OLFML2B: variants seen among roughly 807,000 people sequenced by gnomAD.
OLFML2B encodes olfactomedin-like protein 2B.
A neutral mutation model predicts 74.9 loss-of-function variants in OLFML2B; 57 were observed. The observed-to-expected ratio is 0.76, with a 90% CI of 0.61 to 0.95. The LOEUF (loss-of-function observed/expected upper bound fraction) is 0.95. OLFML2B is among the 40% of genes least tolerant of loss of function. The pLI is 0.00. For missense variants in OLFML2B, 986 were observed against 970.6 expected, an observed-to-expected ratio of 1.02 and a Z score of -0.21; for synonymous variants, 388 against 405.8, an observed-to-expected ratio of 0.96 and a Z score of 0.53.
At chr1:161,991,690 C>A (rs1382410738) in intron 6 of OLFML2B, among the ~76,000 whole-genome samples, 1 of 152,200 alleles carries the variant, frequency 6.6e-6, no homozygotes, top group Non-Finnish European at 1.5e-5. Context: ...GAGCTGAAAT[C>A]GTGCCACTGC....
chr1:161,987,504 G>A lies in OLFML2B; in HGVS notation c.1475-2524C>T, dbSNP rs149872315. Reference sequence around the variant, plus strand: ...AAAAAGCAAAGACTGAAGTGATGTGGCCACAAGCCAAAGAATGCTGGCAGC... The same window carrying A: ...AAAAAGCAAAGACTGAAGTGATGTGACCACAAGCCAAAGAATGCTGGCAGC... On this transcript the variant is annotated intron_variant, in intron 6 of 7. Transcript: ENST00000294794. 1.1e-3 allele frequency among the ~76,000 whole-genome samples: 172 copies of A among 152,252 alleles called. 1 individual carries two copies. The highest frequency in any genetic ancestry group is 3.9e-3 in the African/African-American group (164 of 41,558).
intron 3 of OLFML2B, among the ~76,000 whole-genome samples, chr1:162,008,716 C>T (rs1690298229): frequency 6.6e-6 from 1 of 152,220 alleles, no homozygotes; most frequent in Admixed American, 6.5e-5. Flanking sequence ...CCTGCTGAAT[C>T]AGTATCTGTA....
chr1:161,994,925 C>T (rs1689850062), intron 6 of OLFML2B, among the ~76,000 whole-genome samples: 1 of 152,144 alleles, frequency 6.6e-6, no homozygotes, highest in African/African-American at 2.4e-5. Flanking sequence ...TCTTAAATAG[C>T]TCAAAAATCA....
At position 161,984,235 on chromosome 1, in the gene OLFML2B, C is replaced by G. The variant is rs147887951; in HGVS notation, c.1693G>C (p.Gly565Arg). The G allele has an allele frequency of 1.9e-6, 3 of 1,539,658 alleles. No individual in the cohort carries two copies. Among genetic ancestry groups the G allele is most frequent in the Non-Finnish European group, 2.6e-6 (3 of 1,144,328 alleles). The stretch of plus-strand genomic sequence containing the variant: ...CCATTGTATACCACGTGGCCTGTGC[C>G]GATCCAGCTGTACGGGAGCTTGTAG... ...NSYKLPYSWI[G>R]TGHVVYNGAF... is the part of the protein sequence containing the mutation. Residue 565 changes from glycine to arginine, a missense_variant, in exon 8 of 8, where the codon GGC (glycine) becomes CGC (arginine). Transcript: ENST00000294794.
At chr1:162,017,655 A>G in intron 2 of OLFML2B, 148 bp from the exon 3 acceptor site, 2 of 593,144 alleles carry the variant, frequency 3.4e-6, no homozygotes, top group Non-Finnish European at 5.9e-6. Flanking sequence ...TTGTGTAGAC[A>G]GGGATGTAGG....
intron 4 of OLFML2B, among the ~76,000 whole-genome samples, chr1:162,005,182 C>T (rs554773616): frequency 6.6e-6 from 1 of 152,358 alleles, no homozygotes; most frequent in Admixed American, 6.5e-5. Context: ...ACCATTAGTA[C>T]ATAAACATAA....
At chr1:162,016,063 G>A (rs10918463) in intron 3 of OLFML2B, among the ~76,000 whole-genome samples, 1 of 152,154 alleles carries the variant, frequency 6.6e-6, no homozygotes, top group South Asian at 2.1e-4. Flanking sequence ...CACTTTCCGG[G>A]AAAATTTTAA....
chr1:162,000,822 C>T (rs1320384928), intron 4 of OLFML2B, among the ~76,000 whole-genome samples: 1 of 152,136 alleles, frequency 6.6e-6, no homozygotes, highest in Admixed American at 6.5e-5. Flanking sequence ...GACCAGGATG[C>T]ACACCGCCTC....
chr1:161,988,559 C>A (rs1023271835), intron 6 of OLFML2B, among the ~76,000 whole-genome samples: 4 of 121,642 alleles, frequency 3.3e-5, no homozygotes, highest in Non-Finnish European at 6.9e-5. Context: ...CCCGCTGACA[C>A]CCACCCACCC....
In OLFML2B at chr1:161,997,809, G is replaced by A. The variant is rs571316738; in HGVS notation, c.1474+16C>T. ...TGAGCTGATCAGGAGACCAAGGCCAGGTACAATGAACTTACCTATGACATT... is the reference window on the plus strand; with the variant it reads ...TGAGCTGATCAGGAGACCAAGGCCAAGTACAATGAACTTACCTATGACATT... On this transcript the variant is annotated intron_variant, in intron 6 of 7. Transcript: ENST00000294794. The A allele has an allele frequency of 6.3e-7, 1 of 1,597,782 alleles. No individual in the cohort carries two copies. The highest frequency in any genetic ancestry group is 1.3e-5 in the African/African-American group (1 of 74,852).
chr1:162,002,058 G>T (rs1690094777), intron 4 of OLFML2B, among the ~76,000 whole-genome samples: 2 of 152,142 alleles, frequency 1.3e-5, no homozygotes, highest in South Asian at 2.1e-4. Context: ...GTCCTGTGTT[G>T]GTCTGTTCAG....
At chr1:162,007,135 A>G (rs1690257395) in intron 3 of OLFML2B, among the ~76,000 whole-genome samples, 1 of 152,256 alleles carries the variant, frequency 6.6e-6, no homozygotes, top group Non-Finnish European at 1.5e-5. Flanking sequence ...AGAGAAGATC[A>G]AGGCTACATT....
At chr1:161,995,289 T>C (rs991895137) in intron 6 of OLFML2B, among the ~76,000 whole-genome samples, 2 of 152,214 alleles carry the variant, frequency 1.3e-5, no homozygotes, top group Admixed American at 6.5e-5. Flanking sequence ...ACTACATCTG[T>C]GTCCATGTCT....
intron 6 of OLFML2B, among the ~76,000 whole-genome samples, chr1:161,987,621 G>A (rs1689626288): frequency 6.6e-6 from 1 of 152,188 alleles, no homozygotes; most frequent in Non-Finnish European, 1.5e-5. Context: ...AGCCCTGCAA[G>A]ACTCATTTTG....
At chr1:162,000,372 G>C in intron 4 of OLFML2B, 34 bp from the exon 5 acceptor site, 4 of 1,587,828 alleles carry the variant, frequency 2.5e-6, no homozygotes, top group Non-Finnish European at 3.4e-6. Context: ...GGAAGGTCAG[G>C]TCACTGGTCA....
intron 4 of OLFML2B, among the ~76,000 whole-genome samples, chr1:162,001,516 C>G (rs981060775): frequency 6.6e-6 from 1 of 152,186 alleles, no homozygotes; most frequent in Non-Finnish European, 1.5e-5. Context: ...AAGTCACTAA[C>G]GACATCTTGG....
chr1:162,005,164 A>G (rs1220944447), intron 4 of OLFML2B, among the ~76,000 whole-genome samples: 1 of 152,274 alleles, frequency 6.6e-6, no homozygotes, highest in African/African-American at 2.4e-5. Context: ...ATTAAATGGT[A>G]GCACTTAACC....
Position 162,001,599 on chromosome 1 carries a change from T to C in OLFML2B, c.724-1261A>G, listed in dbSNP as rs190453178. Among the ~76,000 whole-genome samples the C allele has an allele frequency of 3.3e-3, 499 of 152,348 alleles. 1 individual carries two copies. Among genetic ancestry groups the C allele is most frequent in the African/African-American group, 0.011 (447 of 41,588 alleles). ...CGTGAAAGAACAACAAACATTTCTA[T>C]TGTTTAAGGCACTGTATTTGGGTCT... On this transcript the variant is annotated intron_variant, in intron 4 of 7. Coordinates refer to ENST00000294794, the MANE Select transcript of OLFML2B (RefSeq NM_015441.3).
chr1:162,017,947 C>A (rs114293049), intron 2 of OLFML2B, among the ~76,000 whole-genome samples: 1,967 of 152,212 alleles, frequency 0.013, 30 homozygotes, highest in Middle Eastern at 0.065. Context: ...GAATACTATG[C>A]AGCCATGAAA....
Sources: allele counts gnomAD v4.1 joint callset (sites outside exome capture counted in the v4.1 genomes callset), GRCh38; gene constraint gnomAD v4.1.1; transcripts MANE v1.5; gene names NCBI Gene and HGNC (gene_info 2026-07-23, HGNC 2026-07-21).